The following CDH13 variants were observed in gnomAD, a reference collection of about 807,000 sequenced individuals.
The protein encoded by CDH13 is cadherin-13.
Under a neutral mutation model 63.8 loss-of-function variants are expected in CDH13, and 24 were observed. The ratio of observed to expected loss-of-function variants is 0.38; its 90% confidence interval spans 0.27 to 0.53. The LOEUF (loss-of-function observed/expected upper bound fraction) is 0.53, where lower values mean the gene tolerates loss of function less well. Among genes scored for constraint, CDH13 ranks in the 20% least tolerant of loss-of-function variants. CDH13 has a pLI of 0.85. For missense variants in CDH13, 1,049 were observed against 903.1 expected (o/e 1.16, Z -2.07); for synonymous variants, 503 against 355.3 (o/e 1.42, Z -4.67).
At chr16:83,541,127 C>CCAG (rs1373753517) in intron 7 of CDH13, among the ~76,000 whole-genome samples, 1 of 152,154 alleles carries the variant, frequency 6.6e-6, no homozygotes, top group Non-Finnish European at 1.5e-5. Context: ...GCTGCCACCT[C>CCAG]CAGCCTCTGG....
At chr16:82,652,253 C>A (rs958164403) in intron 1 of CDH13, among the ~76,000 whole-genome samples, 1 of 152,150 alleles carries the variant, frequency 6.6e-6, no homozygotes, top group Non-Finnish European at 1.5e-5. Context: ...CATGGTGGAA[C>A]CCCTGGGCTC....
intron 2 of CDH13, among the ~76,000 whole-genome samples, chr16:82,939,561 T>A (rs2042770384): frequency 6.6e-6 from 1 of 152,022 alleles, no homozygotes; most frequent in African/African-American, 2.4e-5. Flanking sequence ...TCAGGTGAGA[T>A]CCCCAAGTAC....
intron 1 of CDH13, among the ~76,000 whole-genome samples, chr16:82,846,204 T>G (rs1340221573): frequency 1.3e-5 from 2 of 152,192 alleles, no homozygotes; most frequent in Non-Finnish European, 2.9e-5. Flanking sequence ...ATGTGAAAAG[T>G]TTCAATCATC....
chr16:82,736,910 C>T (rs942454239), intron 1 of CDH13, among the ~76,000 whole-genome samples: 1 of 152,152 alleles, frequency 6.6e-6, no homozygotes, highest in African/African-American at 2.4e-5. Flanking sequence ...GCAGTTCCTC[C>T]ACCTTTCACT....
At chr16:83,702,527 C>G (rs1316440325) in intron 10 of CDH13, among the ~76,000 whole-genome samples, 2 of 152,160 alleles carry the variant, frequency 1.3e-5, no homozygotes, top group African/African-American at 4.8e-5. Context: ...GTGACATTAT[C>G]ACATCTACCA....
intron 6 of CDH13, among the ~76,000 whole-genome samples, chr16:83,385,939 A>G (rs572029300): frequency 1.7e-4 from 26 of 152,348 alleles, no homozygotes; most frequent in East Asian, 5.8e-4. Context: ...GTAGTTTATC[A>G]TAGTGCTGTG....
chr16:83,310,853 C>G (rs1430028394), intron 5 of CDH13, among the ~76,000 whole-genome samples: 11 of 152,148 alleles, frequency 7.2e-5, no homozygotes, highest in Non-Finnish European at 8.8e-5. Flanking sequence ...AGAAAGGAAC[C>G]CTCCTAACAA....
intron 2 of CDH13, among the ~76,000 whole-genome samples, chr16:82,893,737 C>A (rs752009082): frequency 1.3e-5 from 2 of 152,174 alleles, no homozygotes; most frequent in Non-Finnish European, 2.9e-5. Context: ...AGCACAACAC[C>A]TATTAGCTCG....
intron 7 of CDH13, among the ~76,000 whole-genome samples, chr16:83,500,768 C>T (rs189990651): frequency 3.2e-4 from 48 of 150,598 alleles, no homozygotes; most frequent in African/African-American, 7.3e-4. Flanking sequence ...TTTGTGGAGA[C>T]GGGGTTTCAC....
At chr16:82,941,200 T>G (rs1045923659) in intron 2 of CDH13, among the ~76,000 whole-genome samples, 1 of 152,216 alleles carries the variant, frequency 6.6e-6, no homozygotes, top group Non-Finnish European at 1.5e-5. Context: ...TCATTAACCA[T>G]TGAATATTTT....
intron 4 of CDH13, among the ~76,000 whole-genome samples, chr16:83,162,918 C>G (rs1314270401): frequency 6.6e-6 from 1 of 152,094 alleles, no homozygotes; most frequent in Non-Finnish European, 1.5e-5. Flanking sequence ...AAGTCTAGCA[C>G]ACTCATTGAT....
chr16:83,761,945 T>C (rs770804075), intron 11 of CDH13, among the ~76,000 whole-genome samples: 5 of 152,102 alleles, frequency 3.3e-5, no homozygotes, highest in Admixed American at 6.6e-5. Flanking sequence ...TGCATGCCTG[T>C]AGTCCCAGCT....
Position 83,413,400 on chromosome 16 carries a change from C to T in CDH13, c.781+68394C>T, listed in dbSNP as rs116437767. 3.5e-3 allele frequency among the ~76,000 whole-genome samples: 527 copies of T among 152,244 alleles called. 7 individuals are homozygous for T. The highest frequency in any genetic ancestry group is 0.012 in the African/African-American group (509 of 41,538). ...TCCCCAATTATTATCAGTCACTCCT[C>T]CTCCATAGTCCATCATGATAAAACC... is the stretch of plus-strand genomic sequence containing the variant. On this transcript the variant is annotated intron_variant, in intron 6 of 13. Coordinates refer to ENST00000567109, the MANE Select transcript of CDH13 (RefSeq NM_001257.5).
At chr16:83,158,633 A>C (rs970281243) in intron 4 of CDH13, among the ~76,000 whole-genome samples, 1 of 152,238 alleles carries the variant, frequency 6.6e-6, no homozygotes, top group African/African-American at 2.4e-5. Flanking sequence ...TCATAAGGCC[A>C]CAGGCCGGGG....
At chr16:82,748,507 A>G (rs2034277000) in intron 1 of CDH13, among the ~76,000 whole-genome samples, 1 of 152,068 alleles carries the variant, frequency 6.6e-6, no homozygotes, top group Non-Finnish European at 1.5e-5. Flanking sequence ...TATGGGATAG[A>G]TATCTGTTCT....
chr16:82,926,302 A>G (rs2042302987), intron 2 of CDH13, among the ~76,000 whole-genome samples: 1 of 152,174 alleles, frequency 6.6e-6, no homozygotes, highest in South Asian at 2.1e-4. Flanking sequence ...AAAAAGAAAA[A>G]AAAAGGCCAG....
intron 2 of CDH13, among the ~76,000 whole-genome samples, chr16:83,026,237 C>G (rs1915787829): frequency 6.6e-6 from 1 of 152,226 alleles, no homozygotes; most frequent in Non-Finnish European, 1.5e-5. Context: ...GTTGGGGCAA[C>G]TGTCCTTTCT....
chr16:83,736,621 G>A (rs528329462), intron 10 of CDH13, among the ~76,000 whole-genome samples: 3 of 151,760 alleles, frequency 2.0e-5, no homozygotes, highest in South Asian at 2.1e-4. Context: ...AATAGCTGCT[G>A]TATTCACGTA....
At chr16:83,385,210 TGAGA>T (rs2091648987) in intron 6 of CDH13, among the ~76,000 whole-genome samples, 1 of 152,226 alleles carries the variant, frequency 6.6e-6, no homozygotes, top group Non-Finnish European at 1.5e-5. Context: ...TAGTAGTCAA[TGAGA>T]GAGAATCATT....
Sources: allele counts gnomAD v4.1 joint callset (sites outside exome capture counted in the v4.1 genomes callset), GRCh38; gene constraint gnomAD v4.1.1; transcripts MANE v1.5; gene names NCBI Gene and HGNC (gene_info 2026-07-23, HGNC 2026-07-21).